The following EYA4 variants were observed in gnomAD, a reference collection of about 807,000 sequenced individuals.
EYA4 encodes the protein EYA transcriptional coactivator and phosphatase 4.
Under a neutral mutation model 87.9 loss-of-function variants are expected in EYA4, and 31 were observed. The ratio of observed to expected loss-of-function variants is 0.35; its 90% confidence interval spans 0.27 to 0.48. EYA4 has a LOEUF of 0.48. Ranked by LOEUF, EYA4 falls within the 20% of genes least tolerant of loss-of-function variation. EYA4 has a pLI of 0.99. For synonymous variants in EYA4, 263 were observed against 270.6 expected (o/e 0.97, Z 0.28); for missense variants, 678 against 761.4 (o/e 0.89, Z 1.29).
chr6:133,295,288 C>T (rs1165194505), intron 2 of EYA4, among the ~76,000 whole-genome samples: 1 of 152,128 alleles, frequency 6.6e-6, no homozygotes, highest in African/African-American at 2.4e-5. Flanking sequence ...TCGATTAATG[C>T]TAGGACTCTA....
chr6:133,315,470 G>A (rs1026252054), intron 2 of EYA4, among the ~76,000 whole-genome samples: 1 of 152,082 alleles, frequency 6.6e-6, no homozygotes, highest in Non-Finnish European at 1.5e-5. Context: ...TTAAGCAAGA[G>A]GGGAAAAATC....
intron 2 of EYA4, among the ~76,000 whole-genome samples, chr6:133,334,523 A>G (rs142321948): frequency 1.3e-5 from 2 of 152,170 alleles, no homozygotes; most frequent in Non-Finnish European, 2.9e-5. Flanking sequence ...AGCAGGCTCT[A>G]CCTGAATGTA....
At chr6:133,504,544 T>C (rs1036113171) in intron 13 of EYA4, among the ~76,000 whole-genome samples, 1 of 152,230 alleles carries the variant, frequency 6.6e-6, no homozygotes, top group African/African-American at 2.4e-5. Context: ...TTAGTTTAGC[T>C]CTCATACCCC....
At chr6:133,331,659 A>G (rs114679436) in intron 2 of EYA4, among the ~76,000 whole-genome samples, 431 of 152,300 alleles carry the variant, frequency 2.8e-3, no homozygotes, top group African/African-American at 9.9e-3. Flanking sequence ...AGTCCTCACA[A>G]TGTGGCCATC....
At chr6:133,414,352 C>T (rs1206158610) in intron 3 of EYA4, among the ~76,000 whole-genome samples, 2 of 152,178 alleles carry the variant, frequency 1.3e-5, no homozygotes, top group African/African-American at 4.8e-5. Flanking sequence ...CTCACACACT[C>T]CCAAGGTTTC....
chr6:133,300,705 G>C (rs1779338970), intron 2 of EYA4, among the ~76,000 whole-genome samples: 1 of 152,068 alleles, frequency 6.6e-6, no homozygotes, highest in Non-Finnish European at 1.5e-5. Context: ...AGTAGAGACA[G>C]GGTTTCACCA....
intron 2 of EYA4, among the ~76,000 whole-genome samples, chr6:133,358,348 ATTTTCC>A (rs1316850834): frequency 9.9e-5 from 15 of 152,194 alleles, no homozygotes; most frequent in Non-Finnish European, 1.6e-4. Flanking sequence ...ATTTTCAATT[ATTTTCC>A]TCAGTGAAAG....
chr6:133,347,726 C>T (rs1450450702), intron 2 of EYA4, among the ~76,000 whole-genome samples: 1 of 152,048 alleles, frequency 6.6e-6, no homozygotes, highest in Non-Finnish European at 1.5e-5. Context: ...GATGATAAAA[C>T]CAAGGCACAG....
rs567632124 is a variant in EYA4, at chr6:133,312,528, G to A, written c.33+37715G>A. Reference sequence around the variant, plus strand: ...AAATGCCTAACTCATTATGGTGAACGTCAAATGGAATTGTAAAAATACGTT... The same window carrying A: ...AAATGCCTAACTCATTATGGTGAACATCAAATGGAATTGTAAAAATACGTT... On this transcript the variant is annotated intron_variant, in intron 2 of 19. Coordinates refer to ENST00000355286, the MANE Select transcript of EYA4 (RefSeq NM_004100.5). 5.9e-5 allele frequency among the ~76,000 whole-genome samples: 9 copies of A among 152,240 alleles called. 1 individual carries two copies. The highest frequency in any genetic ancestry group is 3.4e-3 in the Middle Eastern group (1 of 294).
rs1801021309 is a variant in EYA4, at chr6:133,531,751, A to C, written c.*2946A>C. 6.6e-6 allele frequency: 1 copy of C among 152,626 alleles called. No homozygotes were observed. Among genetic ancestry groups the C allele is most frequent in the African/African-American group, 2.4e-5 (1 of 41,464 alleles). 9.5% of individuals were successfully genotyped at this position (152,626 alleles called of 1,614,324 possible). A position where few individuals can be genotyped will look rare whatever the true frequency, so the allele number is the denominator to read the frequency against. ...AAGTAGGTAATAACTGTCTCTAAAA[A>C]TGTTTTCTCCTTAGTCCGCAATGAG... is the stretch of plus-strand genomic sequence containing the variant. On this transcript the variant is annotated 3_prime_UTR_variant, in exon 20 of 20. Transcript: ENST00000355286.
intron 11 of EYA4, among the ~76,000 whole-genome samples, chr6:133,469,559 G>A (rs1562458803): frequency 6.6e-6 from 1 of 151,978 alleles, no homozygotes; most frequent in Admixed American, 6.6e-5. Flanking sequence ...GCTAGAAAAT[G>A]GATTTTTGAA....
intron 16 of EYA4, among the ~76,000 whole-genome samples, chr6:133,514,273 TA>T (rs531235958): frequency 1.1e-4 from 17 of 152,332 alleles, no homozygotes; most frequent in Admixed American, 3.3e-4. Context: ...TAAAATCAAA[TA>T]AGTAGATTTT....
intron 2 of EYA4, among the ~76,000 whole-genome samples, chr6:133,366,862 G>A (rs1200762164): frequency 1.3e-5 from 2 of 152,104 alleles, no homozygotes; most frequent in Admixed American, 6.5e-5. Flanking sequence ...ATTGTACATT[G>A]TTTTTCTTCG....
chr6:133,264,938 C>T (rs972472499), intron 1 of EYA4, among the ~76,000 whole-genome samples: 7 of 152,090 alleles, frequency 4.6e-5, no homozygotes, highest in Non-Finnish European at 1.5e-5. Context: ...CTCAAGTGAT[C>T]AGAGGATTAG....
chr6:133,477,790 G>A (rs77308951), intron 11 of EYA4, among the ~76,000 whole-genome samples: 3,328 of 151,128 alleles, frequency 0.022, 106 homozygotes, highest in African/African-American at 0.074. Context: ...CTAATTCACC[G>A]GGTTGGAGTG....
intron 2 of EYA4, among the ~76,000 whole-genome samples, chr6:133,288,421 G>C (rs192600878): frequency 3.3e-5 from 5 of 152,284 alleles, no homozygotes; most frequent in Non-Finnish European, 5.9e-5. Context: ...GCAAGGGGTG[G>C]ACTTGGAGGA....
At chr6:133,412,817 T>C (rs1441892813) in intron 3 of EYA4, among the ~76,000 whole-genome samples, 9 of 152,192 alleles carry the variant, frequency 5.9e-5, no homozygotes, top group Admixed American at 1.3e-4. Flanking sequence ...TTGTGGCCTT[T>C]GGCTGCTGGT....
At chr6:133,496,706 G>A (rs368147656) in intron 13 of EYA4, among the ~76,000 whole-genome samples, 1 of 152,274 alleles carries the variant, frequency 6.6e-6, no homozygotes, top group African/African-American at 2.4e-5. Context: ...CAGGGGTTAC[G>A]GGGTGGCTTA....
intron 12 of EYA4, among the ~76,000 whole-genome samples, chr6:133,482,774 T>C (rs1170853755): frequency 6.6e-6 from 1 of 152,214 alleles, no homozygotes; most frequent in Non-Finnish European, 1.5e-5. Flanking sequence ...CTTTTTGGTG[T>C]TAACTACGAG....
Sources: allele counts gnomAD v4.1 joint callset (sites outside exome capture counted in the v4.1 genomes callset), GRCh38; gene constraint gnomAD v4.1.1; transcripts MANE v1.5; gene names NCBI Gene and HGNC (gene_info 2026-07-23, HGNC 2026-07-21).